DEAF1: variants seen among roughly 807,000 people sequenced by gnomAD.
DEAF1 encodes the protein DEAF1 transcription factor.
A neutral mutation model predicts 58.9 loss-of-function variants in DEAF1; 53 were observed. The ratio of observed to expected loss-of-function variants is 0.90; its 90% CI spans 0.72 to 1.13. DEAF1 has a LOEUF of 1.13. DEAF1 is among the 50% of genes most tolerant of loss of function. DEAF1 has a pLI of 0.00. For missense variants in DEAF1, 685 were observed against 791.4 expected, an observed-to-expected ratio of 0.87 and a Z score of 1.61; for synonymous variants, 385 against 340.4, an observed-to-expected ratio of 1.13 and a Z score of -1.44.
intron 5 of DEAF1, 40 bp from the exon 6 acceptor site, chr11:685,003 C>A (rs1860528261): frequency 6.7e-7 from 1 of 1,487,786 alleles, no homozygotes; most frequent in Admixed American, 2.0e-5. Context: ...AGCAAGTCAG[C>A]CCCTAAATGT....
rs769571417 is a variant in DEAF1 at position 679,704 on chromosome 11, G to A, written c.1110C>T (p.Val370=). The part of the protein sequence containing the change: ...VISESPAQGD[V]FAGATVQEAS... The stretch of plus-strand genomic sequence containing the variant: ...GCAGCTCACCTGTGGCCCCTGCGAA[G>A]ACGTCGCCCTGGGCCGGACTCTCTG... The change falls in exon 8 of 12, where the codon GTC becomes GTT. Residue 370 remains valine (V), a synonymous_variant. Coordinates refer to ENST00000382409, the MANE Select transcript of DEAF1 (RefSeq NM_021008.4). 3.1e-6 allele frequency: 5 copies of A among 1,612,858 alleles called. No individual in the cohort carries two copies. In the Admixed American group the frequency reaches 5.0e-5, roughly 16 times the overall value.
At chr11:685,745 G>C (rs2133397576) in intron 5 of DEAF1, among the ~76,000 whole-genome samples, 1 of 152,242 alleles carries the variant, frequency 6.6e-6, no homozygotes, top group South Asian at 2.1e-4. Context: ...GCCAGGTGTG[G>C]TGGCTCACAC....
chr11:704,051 G>A (rs914105849), intron 1 of DEAF1: 1 of 1,161,612 alleles, frequency 8.6e-7, no homozygotes, highest in Non-Finnish European at 1.1e-6. Flanking sequence ...TTCTATGTTT[G>A]GAATAATTAC....
intron 1 of DEAF1, chr11:703,486 G>A (rs760775876): frequency 6.8e-5 from 85 of 1,257,326 alleles, no homozygotes; most frequent in Non-Finnish European, 7.1e-5. Flanking sequence ...CCCCAGGGCC[G>A]AGAGGGAGGA....
chr11:691,963 C>T (rs1439639200), intron 1 of DEAF1, among the ~76,000 whole-genome samples: 2 of 152,284 alleles, frequency 1.3e-5, no homozygotes, highest in African/African-American at 4.8e-5. Context: ...TGCCCTATGC[C>T]TACGAGGAGC....
At chr11:658,204 G>A (rs891321052) in intron 10 of DEAF1, among the ~76,000 whole-genome samples, 10 of 152,282 alleles carry the variant, frequency 6.6e-5, no homozygotes, top group African/African-American at 2.2e-4. Context: ...TGAGGCAGGC[G>A]GATCACGAGG....
chr11:695,879 T>A, upstream of DEAF1: 1 of 1,221,200 alleles, frequency 8.2e-7, no homozygotes, highest in Non-Finnish European at 1.0e-6. Context: ...CTTCCGGGCT[T>A]GCAGCGGCGG....
chr11:678,812 G>A lies in DEAF1; in HGVS notation c.1137C>T (p.Ala379=), dbSNP rs143913541. ...TGGCCCTGCATGGGGGCTGCACGCTGGCCTCTTGGACTGTTGGGGAGAAAA... is the reference window on the plus strand; with the variant it reads ...TGGCCCTGCATGGGGGCTGCACGCTAGCCTCTTGGACTGTTGGGGAGAAAA... ...DVFAGATVQE[A]SVQPPCRASH... The change falls in exon 9 of 12, where the codon GCC becomes GCT. Residue 379 remains alanine, a synonymous_variant. Transcript: ENST00000382409. 243 of 1,614,068 alleles carry A rather than the reference G, an allele frequency of 1.5e-4. 2 individuals carry two copies. The East Asian group carries it at 5.4e-3, about 36-fold the overall frequency.
intron 11 of DEAF1, chr11:646,360 C>G (rs1457337586): frequency 6.6e-6 from 1 of 152,244 alleles, no homozygotes; most frequent in Non-Finnish European, 1.5e-5. Context: ...GCAGACCCAC[C>G]GCCCGCCCCT....
chr11:650,752 G>A (rs72844733), intron 11 of DEAF1, among the ~76,000 whole-genome samples: 33 of 152,004 alleles, frequency 2.2e-4, no homozygotes, highest in Admixed American at 3.9e-4. Context: ...CCAAGGGGTC[G>A]AGACCAGCCT....
At chr11:695,395 G>A, upstream of DEAF1, 2 of 421,092 alleles carry the variant, frequency 4.7e-6, no homozygotes, top group Non-Finnish European at 4.1e-6. Flanking sequence ...CGAGAGACTC[G>A]GCCCCTGCTC....
upstream of DEAF1, chr11:695,633 C>G: frequency 8.0e-7 from 1 of 1,245,070 alleles, no homozygotes; most frequent in Non-Finnish European, 1.0e-6. Flanking sequence ...CGGTTCTCCA[C>G]CTCTTCCCTT....
In DEAF1 at chr11:678,734, C is replaced by T. The variant is rs374423862; in HGVS notation, c.1215G>A (p.Pro405=). The T allele has an allele frequency of 1.1e-5, 18 of 1,614,180 alleles. No individual in the cohort carries two copies. Among genetic ancestry groups the T allele is most frequent in the African/African-American group, 2.7e-5 (2 of 75,052 alleles). The change falls in exon 9 of 12, where the codon CCG becomes CCA. Residue 405 remains proline (P), a synonymous_variant. Transcript: ENST00000382409. ...PGYQDSCQIA[P]FPEAALPTSH... The stretch of plus-strand genomic sequence containing the variant: ...ACGTTGGCAACGCAGCTTCTGGAAA[C>T]GGTGCGATCTGGCAGCTGTCCTGAT...
At position 695,165 on chromosome 11, in the gene DEAF1, GC is replaced by G; in HGVS notation, c.-119del. On this transcript the variant is annotated 5_prime_UTR_variant, in exon 1 of 12. Transcript: ENST00000382409. ...AGCTGGGCCGAGGCCGCCCGAAGCC[GC>G]CGCCCGAATAGGGACCGAAAAGGCA... is the stretch of plus-strand genomic sequence containing the variant. The G allele has an allele frequency of 1.0e-6, 1 of 975,158 alleles. No individual in the cohort carries two copies. 60.4% of individuals were successfully genotyped at this position (975,158 alleles called of 1,614,324 possible). A position where few individuals can be genotyped will look rare whatever the true frequency, so the allele number is the denominator to read the frequency against.
At chr11:696,624 C>T (rs573603989), upstream of DEAF1, among the ~76,000 whole-genome samples, 28 of 152,266 alleles carry the variant, frequency 1.8e-4, no homozygotes, top group East Asian at 4.2e-3. Flanking sequence ...AAACATCAGC[C>T]AGGCGGTGGC....
At chr11:661,050 C>T (rs921295921) in intron 10 of DEAF1, among the ~76,000 whole-genome samples, 1 of 152,236 alleles carries the variant, frequency 6.6e-6, no homozygotes, top group African/African-American at 2.4e-5. Context: ...ACGTATTCTT[C>T]TCCCTTTCAT....
intron 2 of DEAF1, among the ~76,000 whole-genome samples, chr11:690,211 GAA>G (rs1184306567): frequency 8.8e-6 from 1 of 113,400 alleles, no homozygotes; most frequent in African/African-American, 3.5e-5. Context: ...GGGCAACAGA[GAA>G]AGACTCTGTC....
chr11:687,748 G>A (rs955604527), intron 4 of DEAF1, among the ~76,000 whole-genome samples, 163 bp downstream of exon 4: 3 of 151,930 alleles, frequency 2.0e-5, no homozygotes, highest in Non-Finnish European at 4.4e-5. Context: ...CACCCGCCTC[G>A]GCTTCCCAAA....
At position 660,964 on chromosome 11, in the gene DEAF1, G is replaced by A. The variant is rs138671896; in HGVS notation, c.1504-6913C>T. 2.8e-3 allele frequency among the ~76,000 whole-genome samples: 427 copies of A among 152,294 alleles called. 2 individuals carry two copies. The highest frequency in any genetic ancestry group is 9.5e-3 in the African/African-American group (393 of 41,576). On this transcript the variant is annotated intron_variant, in intron 10 of 11. Coordinates refer to ENST00000382409, the MANE Select transcript of DEAF1 (RefSeq NM_021008.4). ...TCCACCCTTCCAGATCCCCAGGCACGGAGGCACCATCCAGGCACAGCACAG... is the reference window on the plus strand; with the variant it reads ...TCCACCCTTCCAGATCCCCAGGCACAGAGGCACCATCCAGGCACAGCACAG...
Sources: allele counts gnomAD v4.1 joint callset (sites outside exome capture counted in the v4.1 genomes callset), GRCh38; gene constraint gnomAD v4.1.1; transcripts MANE v1.5; gene names NCBI Gene and HGNC (gene_info 2026-07-23, HGNC 2026-07-21).